The following KCNQ3 variants were observed in gnomAD, a reference collection of about 807,000 sequenced individuals.
The protein encoded by KCNQ3 is potassium voltage-gated channel subfamily Q member 3.
A neutral mutation model predicts 92.5 loss-of-function variants in KCNQ3; 30 were observed. The ratio of observed to expected loss-of-function variants is 0.32; its 90% confidence interval spans 0.24 to 0.44. KCNQ3 has a LOEUF of 0.44. KCNQ3 is among the 20% of genes least tolerant of loss of function. The pLI, the probability that KCNQ3 is intolerant of heterozygous loss-of-function variation, is 1.00. For missense variants in KCNQ3, 913 were observed against 1,140.3 expected, an observed-to-expected ratio of 0.80 and a Z score of 2.87; for synonymous variants, 450 against 468.8, an observed-to-expected ratio of 0.96 and a Z score of 0.52.
intron 1 of KCNQ3, among the ~76,000 whole-genome samples, chr8:132,322,468 C>T (rs1017842843): frequency 6.6e-6 from 1 of 152,162 alleles, no homozygotes; most frequent in Admixed American, 6.5e-5. Flanking sequence ...CCTCTCCACC[C>T]CACACCTCCT....
chr8:132,409,907 G>A (rs1820604093), intron 1 of KCNQ3, among the ~76,000 whole-genome samples: 1 of 152,202 alleles, frequency 6.6e-6, no homozygotes, highest in African/African-American at 2.4e-5. Context: ...TGCTTATGCA[G>A]AAGGTCAATT....
rs1275393141 is a variant in KCNQ3 at position 132,127,161 on chromosome 8, C to T, written c.*2101G>A. The T allele has an allele frequency of 6.6e-6, 1 of 152,150 alleles. No homozygotes were observed. The highest frequency in any genetic ancestry group is 1.5e-5 in the Non-Finnish European group (1 of 68,032). 9.4% of individuals were successfully genotyped at this position (152,150 alleles called of 1,614,324 possible). On this transcript the variant is annotated 3_prime_UTR_variant, in exon 15 of 15. Coordinates refer to ENST00000388996, the MANE Select transcript of KCNQ3 (RefSeq NM_004519.4). Reference sequence around the variant, plus strand: ...CATATTGAAGGAGTGGGGAAAAGGCCCAAATAACCCATGCCCTTTGTCCTT... The same window carrying T: ...CATATTGAAGGAGTGGGGAAAAGGCTCAAATAACCCATGCCCTTTGTCCTT...
intron 3 of KCNQ3, among the ~76,000 whole-genome samples, chr8:132,183,823 T>C (rs1030614087): frequency 1.5e-4 from 23 of 152,346 alleles, no homozygotes; most frequent in African/African-American, 4.6e-4. Context: ...GCTGTAGAAG[T>C]AGATTCTCAG....
At chr8:132,393,001 A>G (rs1820091237) in intron 1 of KCNQ3, among the ~76,000 whole-genome samples, 1 of 152,016 alleles carries the variant, frequency 6.6e-6, no homozygotes. Context: ...ACAATTTTCC[A>G]GTTTTGTTCA....
chr8:132,445,433 G>T (rs1457323084), intron 1 of KCNQ3, among the ~76,000 whole-genome samples: 3 of 151,892 alleles, frequency 2.0e-5, no homozygotes, highest in African/African-American at 7.3e-5. Context: ...ACATTAGCTT[G>T]CATTTATTTC....
At chr8:132,264,116 G>A (rs1815894821) in intron 1 of KCNQ3, among the ~76,000 whole-genome samples, 1 of 152,218 alleles carries the variant, frequency 6.6e-6, no homozygotes, top group African/African-American at 2.4e-5. Flanking sequence ...AGCAAGTGGT[G>A]AAATTGGGAT....
intron 1 of KCNQ3, among the ~76,000 whole-genome samples, chr8:132,437,356 G>A (rs1821424286): frequency 6.6e-6 from 1 of 152,104 alleles, no homozygotes; most frequent in African/African-American, 2.4e-5. Context: ...TAAGGTTTTA[G>A]TTCTGGCATC....
intron 1 of KCNQ3, among the ~76,000 whole-genome samples, chr8:132,311,765 T>C (rs1406837787): frequency 6.6e-6 from 1 of 151,882 alleles, no homozygotes; most frequent in African/African-American, 2.4e-5. Context: ...CACTGTCCTA[T>C]GAAAGAGAGG....
intron 1 of KCNQ3, among the ~76,000 whole-genome samples, chr8:132,265,711 G>C (rs1313136390): frequency 6.6e-6 from 1 of 152,202 alleles, no homozygotes; most frequent in Non-Finnish European, 1.5e-5. Flanking sequence ...GCTGGCCCCT[G>C]TGTCTACCAC....
rs147430530 is a variant in KCNQ3 at position 132,322,601 on chromosome 8, C to T, written c.387-136420G>A. 3.3e-3 allele frequency among the ~76,000 whole-genome samples: 508 copies of T among 152,258 alleles called. 2 individuals carry two copies. Among genetic ancestry groups the T allele is most frequent in the Non-Finnish European group, 4.5e-3 (305 of 68,010 alleles). ...TTAAATCTCAAAGATAGAGTGACCC[C>T]AACAGGTACTTGGCTGATCTGCCAG... is the stretch of plus-strand genomic sequence containing the variant. On this transcript the variant is annotated intron_variant, in intron 1 of 14. Coordinates refer to ENST00000388996, the MANE Select transcript of KCNQ3 (RefSeq NM_004519.4).
chr8:132,367,672 C>T (rs991184965), intron 1 of KCNQ3, among the ~76,000 whole-genome samples: 3 of 152,228 alleles, frequency 2.0e-5, no homozygotes, highest in Middle Eastern at 3.2e-3. Context: ...CTGGGATAAG[C>T]TAGAGGCAGC....
At chr8:132,373,517 C>T (rs1247432573) in intron 1 of KCNQ3, among the ~76,000 whole-genome samples, 2 of 152,148 alleles carry the variant, frequency 1.3e-5, no homozygotes, top group Non-Finnish European at 1.5e-5. Flanking sequence ...CACCTACCTA[C>T]ATTTAACTAC....
chr8:132,409,991 T>C (rs1049843073), intron 1 of KCNQ3, among the ~76,000 whole-genome samples: 3 of 152,202 alleles, frequency 2.0e-5, no homozygotes, highest in African/African-American at 4.8e-5. Flanking sequence ...TAGTCTGGCA[T>C]GGTGGTGTGC....
chr8:132,329,116 G>A (rs1563862389), intron 1 of KCNQ3, among the ~76,000 whole-genome samples: 1 of 152,240 alleles, frequency 6.6e-6, no homozygotes, highest in Non-Finnish European at 1.5e-5. Flanking sequence ...CATGGAGGAA[G>A]GCAGACAATA....
chr8:132,405,001 T>G (rs1820439445), intron 1 of KCNQ3, among the ~76,000 whole-genome samples: 1 of 152,198 alleles, frequency 6.6e-6, no homozygotes, highest in East Asian at 1.9e-4. Flanking sequence ...TCTTGCTGTG[T>G]TGAGTACACA....
At chr8:132,264,453 T>C (rs1479191297) in intron 1 of KCNQ3, among the ~76,000 whole-genome samples, 1 of 152,220 alleles carries the variant, frequency 6.6e-6, no homozygotes, top group Non-Finnish European at 1.5e-5. Flanking sequence ...CTAAGGCTGT[T>C]GTGCAGTGAG....
rs759734514 is a variant in KCNQ3, at chr8:132,141,255, G to T, written c.1339C>A (p.Pro447Thr). 2.5e-6 allele frequency: 4 copies of T among 1,614,160 alleles called. No individual in the cohort carries two copies. Among genetic ancestry groups the T allele is most frequent in the Non-Finnish European group, 3.4e-6 (4 of 1,180,000 alleles). The change falls in exon 10 of 15, where the codon CCT becomes ACT. Residue 447 changes from proline to threonine, a missense_variant. Physicochemically the swap from Pro to Thr is conservative, Grantham distance 38. Transcript: ENST00000388996. Reference protein sequence around the residue: ...GSNTKGKLFTPLNVDAIEESP... With the variant: ...GSNTKGKLFTTLNVDAIEESP... ...TCTTCTATGGCATCTACATTCAGAG[G>T]GGTAAATAGCTTTCCTTTAGTATTG...
chr8:132,227,464 C>A (rs1025889819), intron 1 of KCNQ3, among the ~76,000 whole-genome samples: 1 of 152,134 alleles, frequency 6.6e-6, no homozygotes, highest in Non-Finnish European at 1.5e-5. Context: ...CGGATGTCTG[C>A]AAGTCTAAAA....
At chr8:132,429,861 C>CA (rs374921143) in intron 1 of KCNQ3, among the ~76,000 whole-genome samples, 4,901 of 63,742 alleles carry the variant, frequency 0.077, 136 homozygotes, top group East Asian at 0.13. Context: ...AACTCCTTCT[C>CA]AAAAAAAAAA....
Sources: gnomAD v4.1 joint callset for allele counts (sites outside exome capture counted in the v4.1 genomes callset) on GRCh38, gnomAD v4.1.1 for gene constraint, MANE v1.5 for transcripts, NCBI Gene and HGNC (gene_info 2026-07-23, HGNC 2026-07-21) for gene names.